JAKMIP3: variants seen among roughly 807,000 people sequenced by gnomAD.
The protein encoded by JAKMIP3 is Janus kinase and microtubule interacting protein 3.
In JAKMIP3, 58 loss-of-function variants were observed where a neutral mutation model predicts 118.5. The observed-to-expected ratio is 0.49, with a 90% CI of 0.40 to 0.61. The LOEUF is 0.61. JAKMIP3 is among the 20% of genes least tolerant of loss of function. The pLI is 0.00. For synonymous variants in JAKMIP3, 486 were observed against 451.2 expected (o/e 1.08, Z -0.98); for missense variants, 950 against 1,109.0 (o/e 0.86, Z 2.04).
chr10:132,168,148 C>A lies in JAKMIP3; in HGVS notation c.*218C>A. On this transcript the variant is annotated 3_prime_UTR_variant, in exon 23 of 24. Coordinates refer to ENST00000684848, the MANE Select transcript of JAKMIP3 (RefSeq NM_001323087.2). ...GGATGTGCCAGAACTAGAACTGGCT[C>A]TGCCGACTTCTCGGGGGCTTCTCCG... 1 of 1,286,066 alleles carries A rather than the reference C, an allele frequency of 7.8e-7. No homozygotes were observed. Among genetic ancestry groups the A allele is most frequent in the Non-Finnish European group, 1.0e-6 (1 of 986,644 alleles). The allele number at this position is 1,286,066 out of a possible 1,614,324, so 79.7% of individuals were successfully genotyped here.
intron 14 of JAKMIP3, 25 bp from the exon 15 acceptor site, chr10:132,149,387 T>G: frequency 6.7e-7 from 1 of 1,499,962 alleles, no homozygotes; most frequent in Non-Finnish European, 9.2e-7. Context: ...GGGGAGCGGC[T>G]CACCCTTCTG....
chr10:132,155,564 C>G (rs1470521708), intron 19 of JAKMIP3, among the ~76,000 whole-genome samples: 3 of 152,198 alleles, frequency 2.0e-5, no homozygotes, highest in Non-Finnish European at 4.4e-5. Context: ...AGGCCCATGT[C>G]AGTTGCTGTG....
chr10:132,122,492 G>A (rs552364961), intron 3 of JAKMIP3, among the ~76,000 whole-genome samples: 1 of 152,396 alleles, frequency 6.6e-6, no homozygotes, highest in East Asian at 1.9e-4. Context: ...CCACACAGCA[G>A]GGCAGGGACT....
intron 2 of JAKMIP3, among the ~76,000 whole-genome samples, chr10:132,108,336 T>C (rs2046237912): frequency 1.4e-5 from 2 of 146,296 alleles, no homozygotes; most frequent in South Asian, 4.3e-4. Context: ...GCCAGCTCTC[T>C]CCCTCTCCCA....
intron 1 of JAKMIP3, among the ~76,000 whole-genome samples, chr10:132,042,906 A>G (rs947010749): frequency 5.4e-5 from 8 of 147,062 alleles, no homozygotes; most frequent in African/African-American, 2.0e-4. Context: ...CCTGGGCATC[A>G]TGGCAAGACC....
chr10:132,061,518 T>C (rs1335432657), upstream of JAKMIP3, among the ~76,000 whole-genome samples: 7 of 152,244 alleles, frequency 4.6e-5, no homozygotes, highest in African/African-American at 1.7e-4. Context: ...CAGTTTTTAT[T>C]GAGCTTGGCA....
chr10:132,075,735 C>T (rs1234320554), intron 1 of JAKMIP3, among the ~76,000 whole-genome samples: 1 of 152,180 alleles, frequency 6.6e-6, no homozygotes, highest in Non-Finnish European at 1.5e-5. Flanking sequence ...TAGGAAGCCT[C>T]CAGTGCCTTG....
intron 3 of JAKMIP3, among the ~76,000 whole-genome samples, chr10:132,127,478 C>A (rs2049847747): frequency 6.6e-6 from 1 of 152,004 alleles, no homozygotes; most frequent in Non-Finnish European, 1.5e-5. Flanking sequence ...TGGTCTCGAA[C>A]TCCTGACCTC....
In JAKMIP3 at chr10:132,133,504, G is replaced by A. The variant is rs750112337; in HGVS notation, c.826G>A (p.Ala276Thr). The A allele has an allele frequency of 1.4e-5, 22 of 1,572,144 alleles. No individual in the cohort carries two copies. The highest frequency in any genetic ancestry group is 1.2e-4 in the South Asian group (10 of 85,424). Residue 276 changes from alanine (A) to threonine (T), a missense_variant, in exon 4 of 24, where the codon GCT (alanine) becomes ACT (threonine). Physicochemically the swap from Ala to Thr is moderately conservative, Grantham distance 58 (BLOSUM62 0). Transcript: ENST00000684848. Reference sequence around the variant, plus strand: ...TCCTCATGCAGCTGGTGCAGGAGACGCTTCAGACCACTCGGGAAGCCCTGT... The same window carrying A: ...TCCTCATGCAGCTGGTGCAGGAGACACTTCAGACCACTCGGGAAGCCCTGT... Reference protein sequence around the residue: ...ELPHAAGAGDASDHSGSPEQQ... With the variant: ...ELPHAAGAGDTSDHSGSPEQQ...
At chr10:132,042,543 C>T (rs1314044332) in intron 1 of JAKMIP3, among the ~76,000 whole-genome samples, 1 of 152,124 alleles carries the variant, frequency 6.6e-6, no homozygotes, top group Non-Finnish European at 1.5e-5. Context: ...CTTCATGGTG[C>T]GGCCACCCTG....
chr10:132,098,373 A>G (rs1208960405), intron 1 of JAKMIP3, among the ~76,000 whole-genome samples: 1 of 152,152 alleles, frequency 6.6e-6, no homozygotes, highest in African/African-American at 2.4e-5. Flanking sequence ...AGTTCTGGAG[A>G]TGAGGACTGA....
At chr10:132,052,722 G>A (rs1274600863) in intron 1 of JAKMIP3, among the ~76,000 whole-genome samples, 4 of 152,110 alleles carry the variant, frequency 2.6e-5, no homozygotes, top group Admixed American at 2.0e-4. Context: ...ATTTCTAAGA[G>A]TGTTCTTTTT....
chr10:132,159,247 C>CT (rs2057514884), intron 19 of JAKMIP3, among the ~76,000 whole-genome samples: 2 of 108,846 alleles, frequency 1.8e-5, no homozygotes, highest in African/African-American at 3.6e-5. Context: ...GCTGGGGGGG[C>CT]CTCTCCCTGT....
chr10:132,041,939 T>G (rs76367511), intron 1 of JAKMIP3, among the ~76,000 whole-genome samples: 5 of 151,990 alleles, frequency 3.3e-5, no homozygotes, highest in Non-Finnish European at 7.4e-5. Context: ...CCATCTCGGG[T>G]CACTGCACCC....
At chr10:132,070,836 C>T (rs1003458893) in intron 1 of JAKMIP3, among the ~76,000 whole-genome samples, 4 of 152,220 alleles carry the variant, frequency 2.6e-5, no homozygotes, top group African/African-American at 9.6e-5. Flanking sequence ...GTTTCTTCTC[C>T]AGCTGACAGC....
chr10:132,176,748 C>T (rs991253127), intron 23 of JAKMIP3, among the ~76,000 whole-genome samples: 3 of 151,986 alleles, frequency 2.0e-5, no homozygotes, highest in Non-Finnish European at 2.9e-5. Flanking sequence ...TCTGTGACCT[C>T]GTGCTGGGGC....
At chr10:132,180,963 C>T (rs541877446) in intron 23 of JAKMIP3, among the ~76,000 whole-genome samples, 8 of 151,224 alleles carry the variant, frequency 5.3e-5, no homozygotes, top group African/African-American at 9.7e-5. Flanking sequence ...TGCATTTGTG[C>T]GTATTGTGTG....
intron 1 of JAKMIP3, among the ~76,000 whole-genome samples, chr10:132,057,446 T>C (rs963186430): frequency 6.6e-5 from 10 of 152,184 alleles, no homozygotes; most frequent in African/African-American, 1.2e-4. Flanking sequence ...GCCTTGCCAC[T>C]GTATCGCCCT....
chr10:132,145,674 C>A lies in JAKMIP3; in HGVS notation c.1749+94C>A, dbSNP rs1001950839. ...GCGGGGCTGAAGGATGGAGCGAGGG[C>A]TGAGGCTTCTGAATGGCTGTCCCAG... is the stretch of plus-strand genomic sequence containing the variant. On this transcript the variant is annotated intron_variant, in intron 13 of 23. Coordinates refer to ENST00000684848, the MANE Select transcript of JAKMIP3 (RefSeq NM_001323087.2). 76 of 1,048,396 alleles carry A rather than the reference C, an allele frequency of 7.2e-5. 3 individuals are homozygous for A. In the South Asian group the frequency reaches 1.1e-3, roughly 15 times the overall value. The allele number at this position is 1,048,396 out of a possible 1,614,324, so 64.9% of individuals were successfully genotyped here.
Sources: allele counts gnomAD v4.1 joint callset (sites outside exome capture counted in the v4.1 genomes callset), GRCh38; gene constraint gnomAD v4.1.1; transcripts MANE v1.5; gene names NCBI Gene and HGNC (gene_info 2026-07-23, HGNC 2026-07-21).